NEXN: variants seen among roughly 807,000 people sequenced by gnomAD.
NEXN encodes the protein nexilin.
NEXN carries 65 observed loss-of-function variants against 92.6 expected under a neutral mutation model. That is an observed-to-expected ratio of 0.70 (90% confidence interval 0.57 to 0.86). The LOEUF is 0.86. Among genes scored for constraint, NEXN ranks in the 40% least tolerant of loss-of-function variants. The pLI is 0.00. For synonymous variants in NEXN, 254 were observed against 242.5 expected (o/e 1.05, Z -0.44); for missense variants, 778 against 771.1 (o/e 1.01, Z -0.11).
chr1:77,898,497 T>C (rs1438180675), intron 1 of NEXN, among the ~76,000 whole-genome samples: 1 of 152,186 alleles, frequency 6.6e-6, no homozygotes, highest in East Asian at 1.9e-4. Context: ...TTATACCTTG[T>C]AGAAAAATTA....
rs397517848 is a variant in NEXN, at chr1:77,942,469, A to AGAG, written c.1680_1682dup (p.Glu562dup). The AGAG allele has an allele frequency of 1.4e-5, 22 of 1,613,486 alleles. No homozygotes were observed. Among genetic ancestry groups the AGAG allele is most frequent in the Middle Eastern group, 1.6e-4 (1 of 6,084 alleles). On this transcript the variant is annotated inframe_insertion, in exon 13 of 13. Transcript: ENST00000334785. ...CATTTATTTTAATACAGAAAAGAGA[A>AGAG]GAGGAGGAGGAGGAAGAAGGTAGCA...
intron 5 of NEXN, among the ~76,000 whole-genome samples, chr1:77,921,895 C>A (rs1239997242): frequency 2.0e-5 from 3 of 152,098 alleles, no homozygotes; most frequent in African/African-American, 7.2e-5. Context: ...GCCTGGGCAA[C>A]ACAGCAAGAC....
intron 5 of NEXN, among the ~76,000 whole-genome samples, chr1:77,919,363 T>C (rs1649238212): frequency 6.6e-6 from 1 of 152,208 alleles, no homozygotes; most frequent in African/African-American, 2.4e-5. Flanking sequence ...TTTCAGTCTT[T>C]TTGCTATGCT....
intron 11 of NEXN, among the ~76,000 whole-genome samples, chr1:77,939,095 C>T (rs1651035945): frequency 6.6e-6 from 1 of 151,994 alleles, no homozygotes; most frequent in African/African-American, 2.4e-5. Context: ...GAAAAACAGA[C>T]CTAAATAACA....
chr1:77,918,103 C>CT (rs397517855), intron 4 of NEXN, 22 bp from the exon 5 acceptor site: 12 of 1,612,856 alleles, frequency 7.4e-6, no homozygotes, highest in Admixed American at 3.3e-5. Flanking sequence ...AAGTATCAAA[C>CT]TTTTTTTTCA....
At chr1:77,915,689 T>C (rs543954077) in intron 1 of NEXN, among the ~76,000 whole-genome samples, 159 of 152,272 alleles carry the variant, frequency 1.0e-3, no homozygotes, top group Non-Finnish European at 1.9e-3. Context: ...TAGTTGAAGA[T>C]TGATAGAAAT....
intron 6 of NEXN, among the ~76,000 whole-genome samples, chr1:77,925,605 G>A (rs1009587106): frequency 2.6e-5 from 4 of 152,138 alleles, no homozygotes; most frequent in Non-Finnish European, 5.9e-5. Flanking sequence ...GAGTTCCTGA[G>A]AGTTTATGTT....
chr1:77,917,943 T>C lies in NEXN; in HGVS notation c.220-17T>C, dbSNP rs774588824. 6 of 1,600,520 alleles carry C rather than the reference T, an allele frequency of 3.7e-6. No homozygotes were observed. Among genetic ancestry groups the C allele is most frequent in the Non-Finnish European group, 5.1e-6 (6 of 1,168,850 alleles). The stretch of plus-strand genomic sequence containing the variant: ...ATTTTTGGACATGTGCTCACATTAA[T>C]TTATTTAACCATCTAGATTAAAGAA... On this transcript the variant is annotated splice_polypyrimidine_tract_variant and intron_variant, in intron 3 of 12. Transcript: ENST00000334785.
At chr1:77,904,278 C>T (rs1420024485) in intron 1 of NEXN, among the ~76,000 whole-genome samples, 2 of 152,198 alleles carry the variant, frequency 1.3e-5, no homozygotes, top group Non-Finnish European at 2.9e-5. Context: ...CAGGCATGAG[C>T]CACTGTTCCT....
chr1:77,921,036 C>T (rs1649379633), intron 5 of NEXN, among the ~76,000 whole-genome samples: 1 of 152,082 alleles, frequency 6.6e-6, no homozygotes, highest in East Asian at 1.9e-4. Context: ...AAAGTATTCT[C>T]CAATGTTTTC....
intron 1 of NEXN, among the ~76,000 whole-genome samples, chr1:77,898,204 C>G (rs564324190): frequency 1.7e-3 from 255 of 152,212 alleles, no homozygotes; most frequent in African/African-American, 6.0e-3. Flanking sequence ...CATCACCAAG[C>G]CAATCCTAAG....
chr1:77,899,230 T>G (rs1557960796), intron 1 of NEXN, among the ~76,000 whole-genome samples: 2 of 152,080 alleles, frequency 1.3e-5, no homozygotes, highest in African/African-American at 4.8e-5. Flanking sequence ...GCGACACTAT[T>G]CACAATAGCA....
chr1:77,891,431 A>G (rs1647102842), intron 1 of NEXN, among the ~76,000 whole-genome samples: 1 of 152,158 alleles, frequency 6.6e-6, no homozygotes, highest in African/African-American at 2.4e-5. Context: ...TAAGTGCTCA[A>G]CAGGTGATTC....
In NEXN at chr1:77,915,076, G is replaced by A. The variant is rs373347967; in HGVS notation, c.-52-979G>A. On this transcript the variant is annotated intron_variant, in intron 1 of 12. Coordinates refer to ENST00000334785, the MANE Select transcript of NEXN (RefSeq NM_144573.4). ...CGGATGCAATCCTAGCACTTCTGGA[G>A]GCCAAGGTGGGAGAGTTGCTTGAGC... Among the ~76,000 whole-genome samples the A allele has an allele frequency of 5.3e-5, 8 of 152,204 alleles. No individual in the cohort carries two copies. The East Asian group carries it at 9.7e-4, about 18-fold the overall frequency.
In NEXN at chr1:77,943,533, TAC is replaced by T. The variant is rs1651578315; in HGVS notation, c.*706_*707del. 1 of 153,314 alleles carries T rather than the reference TAC, an allele frequency of 6.5e-6. No individual in the cohort carries two copies. Among genetic ancestry groups the T allele is most frequent in the Admixed American group, 6.5e-5 (1 of 15,490 alleles). 9.5% of individuals were successfully genotyped at this position (153,314 alleles called of 1,614,324 possible). A position where few individuals can be genotyped will look rare whatever the true frequency, so the allele number is the denominator to read the frequency against. On this transcript the variant is annotated 3_prime_UTR_variant, in exon 13 of 13. Coordinates refer to ENST00000334785, the MANE Select transcript of NEXN (RefSeq NM_144573.4). ...AATTAAAGGACTTAAAGAATGGCTA[TAC>T]AGTGTTGAGTGTTGAGGATATTAAA...
chr1:77,898,759 T>G (rs1647437319), intron 1 of NEXN, among the ~76,000 whole-genome samples: 1 of 152,032 alleles, frequency 6.6e-6, no homozygotes, highest in Non-Finnish European at 1.5e-5. Context: ...CGCAACCTAC[T>G]CATCTGACAA....
chr1:77,936,681 C>G (rs1650795843), intron 11 of NEXN, among the ~76,000 whole-genome samples: 2 of 152,200 alleles, frequency 1.3e-5, no homozygotes, highest in South Asian at 4.1e-4. Context: ...TCCCTTCTAG[C>G]TTAAGGACTA....
rs1359946619 is a variant in NEXN, at chr1:77,942,892, T to G, written c.*63T>G. The G allele has an allele frequency of 6.6e-7, 1 of 1,517,558 alleles. No individual in the cohort carries two copies. Among genetic ancestry groups the G allele is most frequent in the African/African-American group, 1.4e-5 (1 of 72,214 alleles). 94.0% of individuals were successfully genotyped at this position (1,517,558 alleles called of 1,614,324 possible). A position where few individuals can be genotyped will look rare whatever the true frequency, so the allele number is the denominator to read the frequency against. ...CCTTAAAATCACTTTTCTTCTTCTC[T>G]TTTTTAGCTGATGACTACTAGCTCC... On this transcript the variant is annotated 3_prime_UTR_variant, in exon 13 of 13. Transcript: ENST00000334785.
intron 1 of NEXN, among the ~76,000 whole-genome samples, chr1:77,901,364 A>G (rs1003880012): frequency 6.6e-6 from 1 of 152,212 alleles, no homozygotes; most frequent in African/African-American, 2.4e-5. Flanking sequence ...ATGTTTATAA[A>G]TAATGGTTTG....
Sources: gnomAD v4.1 joint callset for allele counts (sites outside exome capture counted in the v4.1 genomes callset) on GRCh38, gnomAD v4.1.1 for gene constraint, MANE v1.5 for transcripts, NCBI Gene and HGNC (gene_info 2026-07-23, HGNC 2026-07-21) for gene names.